Variants in TBC1D9B observed in about 807,000 individuals in gnomAD.
TBC1D9B encodes the protein TBC1 domain family member 9B.
A neutral mutation model predicts 121.1 loss-of-function variants in TBC1D9B; 87 were observed. That is an observed-to-expected ratio of 0.72 (90% CI 0.60 to 0.86). TBC1D9B has a LOEUF of 0.86. TBC1D9B is among the 40% of genes least tolerant of loss of function. The pLI is 0.00. For synonymous variants in TBC1D9B, 668 were observed against 670.1 expected (o/e 1.00, Z 0.05); for missense variants, 1,540 against 1,628.6 (o/e 0.95, Z 0.94).
intron 16 of TBC1D9B, 79 bp downstream of exon 16, chr5:179,870,176 A>C: frequency 3.2e-6 from 5 of 1,577,144 alleles, no homozygotes; most frequent in South Asian, 1.2e-5. Context: ...GGGAACAGAC[A>C]GGAGATGCTG....
At position 179,904,955 on chromosome 5, in the gene TBC1D9B, TGCGGTCAAAG is replaced by T. The variant is rs1761273852; in HGVS notation, c.119-153_119-144del. 6 of 608,202 alleles carry T rather than the reference TGCGGTCAAAG, an allele frequency of 9.9e-6. No individual in the cohort carries two copies. Among genetic ancestry groups the T allele is most frequent in the Non-Finnish European group, 1.7e-5 (6 of 360,852 alleles). The allele number at this position is 608,202 out of a possible 1,614,324, so 37.7% of individuals were successfully genotyped here. Reference sequence around the variant, plus strand: ...CGAGGGAAACGTCCGGAATGACCCCTGCGGTCAAAGGCCTTCAGCCAGTGTCTGATCCCGA... The same window carrying T: ...CGAGGGAAACGTCCGGAATGACCCCTGCCTTCAGCCAGTGTCTGATCCCGA... On this transcript the variant is annotated intron_variant, in intron 1 of 20. Transcript: ENST00000355235. This position sits in a 1 kb window ranked among gnomAD's most constrained non-coding sequence, Gnocchi z 4.2.
Position 179,865,831 on chromosome 5 carries a change from C to A in TBC1D9B, c.2914+7G>T. 1 of 1,601,010 alleles carries A rather than the reference C, an allele frequency of 6.2e-7. No homozygotes were observed. Among genetic ancestry groups the A allele is most frequent in the South Asian group, 1.1e-5 (1 of 88,562 alleles). On this transcript the variant is annotated splice_region_variant and intron_variant, in intron 19 of 20. Transcript: ENST00000355235. The surrounding 1 kb of genome is among the most constrained non-coding windows in gnomAD (Gnocchi z 5.1). Reference sequence around the variant, plus strand: ...CTCTAAGAACAGCGGCAGAGAATGGCCTGTACCTCCTCTCTCCTCACTTCC... The same window carrying A: ...CTCTAAGAACAGCGGCAGAGAATGGACTGTACCTCCTCTCTCCTCACTTCC...
intron 3 of TBC1D9B, 103 bp downstream of exon 3, chr5:179,899,085 TA>T: frequency 2.2e-6 from 2 of 929,286 alleles, no homozygotes; most frequent in African/African-American, 1.6e-5. Flanking sequence ...TCCACCTTTG[TA>T]AAATGGGGAC....
In TBC1D9B at chr5:179,902,212, A is replaced by G. The variant is rs1761184444; in HGVS notation, c.229+2490T>C. Among the ~76,000 whole-genome samples the G allele has an allele frequency of 6.6e-6, 1 of 152,250 alleles. No individual in the cohort carries two copies. The highest frequency in any genetic ancestry group is 2.1e-4 in the South Asian group (1 of 4,836). ...AAGGATGGGTCTGTGGAGTCTGGGC[A>G]GTTCTCAGAGGAGCGGGAGGGAAGG... On this transcript the variant is annotated intron_variant, in intron 2 of 20. Coordinates refer to ENST00000355235, the MANE Select transcript of TBC1D9B (RefSeq NM_015043.4). This position sits in a 1 kb window ranked among gnomAD's most constrained non-coding sequence, Gnocchi z 4.9.
At chr5:179,905,758 T>G (rs994072767) in intron 1 of TBC1D9B, among the ~76,000 whole-genome samples, 4 of 152,224 alleles carry the variant, frequency 2.6e-5, no homozygotes, top group Non-Finnish European at 5.9e-5. Context: ...TACTTGAAAT[T>G]TTTTCTTCCT....
chr5:179,867,422 G>A lies in TBC1D9B; in HGVS notation c.2863+356C>T, dbSNP rs771845551. The A allele has an allele frequency of 4.9e-5, 76 of 1,549,444 alleles. No homozygotes were observed. In the East Asian group the frequency reaches 1.0e-3, roughly 21 times the overall value. ...AAGAGTGTTAGGAGGTACAGGGGGC[G>A]CCCCTGCCTTCCAGGGACTGACCTT... is the stretch of plus-strand genomic sequence containing the variant. On this transcript the variant is annotated intron_variant, in intron 18 of 20. Transcript: ENST00000355235.
At chr5:179,899,113 A>C (rs928990641) in intron 3 of TBC1D9B, 76 bp downstream of exon 3, 6 of 1,236,616 alleles carry the variant, frequency 4.9e-6, no homozygotes, top group Non-Finnish European at 5.8e-6. Context: ...TACATCGTGA[A>C]GATGAAATAG....
chr5:179,892,989 C>G (rs1318596442), intron 5 of TBC1D9B, among the ~76,000 whole-genome samples: 1 of 152,228 alleles, frequency 6.6e-6, no homozygotes, highest in African/African-American at 2.4e-5. Flanking sequence ...GAGCTTCCTC[C>G]CCATTAGTGG....
intron 1 of TBC1D9B, among the ~76,000 whole-genome samples, chr5:179,905,339 A>G (rs1481990088): frequency 1.3e-5 from 2 of 152,220 alleles, no homozygotes; most frequent in Non-Finnish European, 1.5e-5. Flanking sequence ...ATGATTCTGC[A>G]ACATTATTTT....
In TBC1D9B at chr5:179,890,574, C is replaced by T. The variant is rs1337750197; in HGVS notation, c.1044+805G>A. On this transcript the variant is annotated intron_variant, in intron 6 of 20. Coordinates refer to ENST00000355235, the MANE Select transcript of TBC1D9B (RefSeq NM_015043.4). The surrounding 1 kb of genome is among the most constrained non-coding windows in gnomAD (Gnocchi z 5.0). ...TTGGGGAAACTGAGGCAGCAACTCT[C>T]CCACACCTATTCTCAGCTACATCTG... Among the ~76,000 whole-genome samples the T allele has an allele frequency of 2.0e-5, 3 of 152,314 alleles. No individual in the cohort carries two copies. Among genetic ancestry groups the T allele is most frequent in the Non-Finnish European group, 2.9e-5 (2 of 68,030 alleles).
At chr5:179,876,412 T>C (rs1760361318) in intron 10 of TBC1D9B, among the ~76,000 whole-genome samples, 1 of 152,138 alleles carries the variant, frequency 6.6e-6, no homozygotes, top group South Asian at 2.1e-4. Flanking sequence ...CGGAGTGGTG[T>C]TGGGTGTTGG....
At chr5:179,892,748 C>T (rs1399179169) in intron 5 of TBC1D9B, among the ~76,000 whole-genome samples, 3 of 152,200 alleles carry the variant, frequency 2.0e-5, no homozygotes, top group Admixed American at 2.0e-4. Flanking sequence ...TACAGGAGAG[C>T]TGTCAATCAC....
intron 7 of TBC1D9B, among the ~76,000 whole-genome samples, chr5:179,886,502 C>T (rs573573864): frequency 6.6e-6 from 1 of 152,354 alleles, no homozygotes; most frequent in African/African-American, 2.4e-5. Context: ...CTTGAAATCC[C>T]AGATGAAGCC....
intron 7 of TBC1D9B, 44 bp from the exon 8 acceptor site, chr5:179,879,833 G>T (rs751826730): frequency 2.6e-6 from 4 of 1,548,690 alleles, no homozygotes; most frequent in Non-Finnish European, 3.5e-6. Context: ...CAACTGTGCT[G>T]CCAGGTGGCC....
At chr5:179,905,739 T>C (rs1311390840) in intron 1 of TBC1D9B, among the ~76,000 whole-genome samples, 29 of 152,236 alleles carry the variant, frequency 1.9e-4, no homozygotes, top group Admixed American at 1.9e-3. Context: ...AAAACCTGTT[T>C]ATTGTTTTTA....
rs1284550133 is a variant in TBC1D9B, at chr5:179,874,967, CAGG to C, written c.2118_2120del (p.Leu707del). The C allele has an allele frequency of 3.7e-6, 6 of 1,613,818 alleles. No homozygotes were observed. The highest frequency in any genetic ancestry group is 5.1e-6 in the Non-Finnish European group (6 of 1,180,042). On this transcript the variant is annotated inframe_deletion, in exon 12 of 21. Transcript: ENST00000355235. This position sits in a 1 kb window ranked among gnomAD's most constrained non-coding sequence, Gnocchi z 4.3. ...CCAGCAGCTGCTCCATGTTGGCGTCCAGGACGGCCAGGGCCACCTGCAGGATCA... is the reference window on the plus strand; with the variant it reads ...CCAGCAGCTGCTCCATGTTGGCGTCCACGGCCAGGGCCACCTGCAGGATCA...
chr5:179,906,898 G>C (rs1761334916), intron 1 of TBC1D9B, among the ~76,000 whole-genome samples: 1 of 152,250 alleles, frequency 6.6e-6, no homozygotes, highest in Non-Finnish European at 1.5e-5. Context: ...CACAGGCACT[G>C]AGCCCGAGCC....
At chr5:179,905,794 G>C (rs1393387581) in intron 1 of TBC1D9B, among the ~76,000 whole-genome samples, 4 of 152,210 alleles carry the variant, frequency 2.6e-5, no homozygotes, top group Admixed American at 2.6e-4. Flanking sequence ...CTTTTGGCAT[G>C]ATCTGAAAAT....
At chr5:179,884,787 T>G (rs574593419) in intron 7 of TBC1D9B, among the ~76,000 whole-genome samples, 1 of 152,326 alleles carries the variant, frequency 6.6e-6, no homozygotes, top group Non-Finnish European at 1.5e-5. Context: ...TCCACTTATG[T>G]GCATTACCTA....
Sources: gnomAD v4.1 joint callset for allele counts (sites outside exome capture counted in the v4.1 genomes callset) on GRCh38, gnomAD v4.1.1 for gene constraint, Gnocchi (gnomAD v3.1) non-coding constraint, MANE v1.5 for transcripts, NCBI Gene and HGNC (gene_info 2026-07-23, HGNC 2026-07-21) for gene names.